KANSL1: variants seen among roughly 807,000 people sequenced by gnomAD.
The protein encoded by KANSL1 is KAT8 regulatory NSL complex subunit 1, also known as MLL1/MLL complex subunit KANSL1.
KANSL1 carries 22 observed loss-of-function variants against 103.6 expected under a neutral mutation model. That is an observed-to-expected ratio of 0.21 (90% CI 0.15 to 0.30). KANSL1 has a LOEUF of 0.30. Among genes scored for constraint, KANSL1 ranks in the 10% least tolerant of loss-of-function variants. The probability of loss-of-function intolerance (pLI) is 1.00; values close to 1 mark genes in which losing one functional copy is unlikely to be tolerated. For missense variants in KANSL1, 1,337 were observed against 1,399.8 expected (o/e 0.96, Z 0.72); for synonymous variants, 600 against 527.6 (o/e 1.14, Z -1.88).
intron 2 of KANSL1, among the ~76,000 whole-genome samples, chr17:46,146,798 A>C (rs1450856291): frequency 7.0e-6 from 1 of 142,150 alleles, no homozygotes; most frequent in African/African-American, 2.7e-5. Context: ...CCGCCACTGC[A>C]CTCCAGCCTG....
intron 1 of KANSL1, among the ~76,000 whole-genome samples, chr17:46,219,661 T>C (rs1476581493): frequency 2.0e-5 from 3 of 152,270 alleles, no homozygotes; most frequent in Admixed American, 1.3e-4. Context: ...CCATCGCGTC[T>C]GGCCAAGTTA....
Position 46,096,628 on chromosome 17 carries a change from CT to C in KANSL1, c.1290-1928del, listed in dbSNP as rs544432917. Among the ~76,000 whole-genome samples the C allele has an allele frequency of 2.9e-4, 43 of 147,214 alleles. No homozygotes were observed. In the East Asian group the frequency reaches 9.0e-3, roughly 31 times the overall value. On this transcript the variant is annotated intron_variant, in intron 2 of 14. Coordinates refer to ENST00000432791, the MANE Select transcript of KANSL1 (RefSeq NM_015443.4). ...AGCCACTGCACCCAGCCCTGACTAA[CT>C]TTTTTTTGAGACGGAGTCTTGCTCT...
chr17:46,075,397 C>T (rs1431289946), intron 4 of KANSL1, among the ~76,000 whole-genome samples: 1 of 152,188 alleles, frequency 6.6e-6, no homozygotes, highest in Non-Finnish European at 1.5e-5. Flanking sequence ...AATGCAGTGG[C>T]ACAATCTTGG....
At chr17:46,057,909 A>G (rs528641162) in intron 6 of KANSL1, among the ~76,000 whole-genome samples, 1 of 152,246 alleles carries the variant, frequency 6.6e-6, no homozygotes, top group Non-Finnish European at 1.5e-5. Context: ...TTTACCTTTC[A>G]GTCATAAACC....
At chr17:46,132,545 T>A (rs2043915959) in intron 2 of KANSL1, among the ~76,000 whole-genome samples, 1 of 152,186 alleles carries the variant, frequency 6.6e-6, no homozygotes, top group Non-Finnish European at 1.5e-5. Context: ...AATCATAAAT[T>A]ATCAAATCTG....
intron 1 of KANSL1, among the ~76,000 whole-genome samples, chr17:46,190,681 TTCCC>T (rs570923470): frequency 6.1e-4 from 93 of 152,232 alleles, no homozygotes; most frequent in Admixed American, 1.5e-3. Flanking sequence ...CATTTAATGT[TTCCC>T]TCCAAGTAGT....
intron 2 of KANSL1, among the ~76,000 whole-genome samples, chr17:46,138,323 ATGTC>A (rs772223158): frequency 3.9e-5 from 6 of 152,220 alleles, no homozygotes; most frequent in Non-Finnish European, 7.3e-5. Flanking sequence ...TTAAAAAACA[ATGTC>A]TGTACTGAAT....
At chr17:46,190,469 G>A (rs1354618677) in intron 1 of KANSL1, among the ~76,000 whole-genome samples, 1 of 152,258 alleles carries the variant, frequency 6.6e-6, no homozygotes, top group African/African-American at 2.4e-5. Context: ...AAAGATGCAA[G>A]AAAACTTCTA....
intron 1 of KANSL1, among the ~76,000 whole-genome samples, chr17:46,187,218 T>C (rs148559137): frequency 0.01 from 1,570 of 152,336 alleles, 25 homozygotes; most frequent in African/African-American, 0.034. Flanking sequence ...TGGTTTAACA[T>C]CCTAACAACA....
upstream of KANSL1, chr17:46,196,609 T>C (rs1437546669): frequency 6.0e-6 from 2 of 331,472 alleles, no homozygotes; most frequent in Non-Finnish European, 1.2e-5. Context: ...TCCTGACAAT[T>C]TGTATGACTT....
At chr17:46,140,656 G>A (rs2044374069) in intron 2 of KANSL1, among the ~76,000 whole-genome samples, 1 of 152,098 alleles carries the variant, frequency 6.6e-6, no homozygotes, top group South Asian at 2.1e-4. Context: ...CAAGACACTG[G>A]TCTCCAGAAT....
rs1470593799 is a variant in KANSL1 at position 46,031,502 on chromosome 17, T to C, written c.3292A>G (p.Thr1098Ala). Reference protein sequence around the residue: ...LKSRHLVAAATAQRPTHR With the variant: ...LKSRHLVAAAAAQRPTHR ...CATCTGTGAGTCGGGCGCTGAGCTG[T>C]GGCTGCTGCCACCAGATGCCGACTC... The change falls in exon 15 of 15, where the codon ACA (threonine) becomes GCA (alanine). Residue 1098 changes from threonine to alanine, a missense_variant. Coordinates refer to ENST00000432791, the MANE Select transcript of KANSL1 (RefSeq NM_015443.4). 13 of 1,612,928 alleles carry C rather than the reference T, an allele frequency of 8.1e-6. No individual in the cohort carries two copies. The East Asian group carries it at 1.1e-4, about 14-fold the overall frequency.
At chr17:46,180,018 C>T (rs1198720254) in intron 1 of KANSL1, among the ~76,000 whole-genome samples, 1 of 151,232 alleles carries the variant, frequency 6.6e-6, no homozygotes, top group Non-Finnish European at 1.5e-5. Context: ...GAGCTGAGAT[C>T]GGGCCACTGC....
chr17:46,219,991 T>C (rs1295504492), intron 1 of KANSL1, among the ~76,000 whole-genome samples: 2 of 151,936 alleles, frequency 1.3e-5, no homozygotes, highest in South Asian at 2.1e-4. Context: ...TGGTCCCAGC[T>C]ACTCGGGAGG....
intron 4 of KANSL1, among the ~76,000 whole-genome samples, chr17:46,070,693 C>T (rs1398180051): frequency 6.6e-6 from 1 of 151,864 alleles, no homozygotes; most frequent in Non-Finnish European, 1.5e-5. Flanking sequence ...TTTAAAAATG[C>T]TGTTTGTTTT....
chr17:46,073,061 T>C (rs2078633786), intron 4 of KANSL1, among the ~76,000 whole-genome samples: 1 of 152,248 alleles, frequency 6.6e-6, no homozygotes, highest in Non-Finnish European at 1.5e-5. Flanking sequence ...TCTGTCCCTT[T>C]ACCTTCTATC....
At chr17:46,215,453 T>C (rs1175736517) in intron 1 of KANSL1, among the ~76,000 whole-genome samples, 1 of 152,218 alleles carries the variant, frequency 6.6e-6, no homozygotes, top group Non-Finnish European at 1.5e-5. Flanking sequence ...ACAAGGATCA[T>C]GTTGGCAGCG....
At chr17:46,100,445 A>C (rs111730957) in intron 2 of KANSL1, among the ~76,000 whole-genome samples, 1,978 of 122,918 alleles carry the variant, frequency 0.016, 33 homozygotes, top group African/African-American at 0.056. Flanking sequence ...CCCTCTCCCC[A>C]AAAAAAAAAA....
At chr17:46,101,393 G>A (rs1378452223) in intron 2 of KANSL1, among the ~76,000 whole-genome samples, 1 of 152,162 alleles carries the variant, frequency 6.6e-6, no homozygotes, top group Admixed American at 6.5e-5. Context: ...GCTTCACAAA[G>A]TTGTGATAGC....
Sources: gnomAD v4.1 joint callset for allele counts (sites outside exome capture counted in the v4.1 genomes callset) on GRCh38, gnomAD v4.1.1 for gene constraint, MANE v1.5 for transcripts, NCBI Gene and HGNC (gene_info 2026-07-23, HGNC 2026-07-21) for gene names.